Variants in LRMDA observed in about 807,000 individuals in gnomAD.
The protein encoded by LRMDA is leucine-rich melanocyte differentiation-associated protein.
LRMDA carries 18 observed loss-of-function variants against 29.8 expected under a neutral mutation model. The ratio of observed to expected loss-of-function variants is 0.60; its 90% CI spans 0.42 to 0.90. The LOEUF is 0.90. Among genes scored for constraint, LRMDA ranks in the 40% least tolerant of loss-of-function variants. The pLI, the probability that LRMDA is intolerant of heterozygous loss-of-function variation, is 0.00. For missense variants in LRMDA, 273 were observed against 273.9 expected, an observed-to-expected ratio of 1.00 and a Z score of 0.02; for synonymous variants, 125 against 109.4, an observed-to-expected ratio of 1.14 and a Z score of -0.89.
chr10:75,982,621 A>G (rs1320225786), intron 2 of LRMDA, among the ~76,000 whole-genome samples: 2 of 152,172 alleles, frequency 1.3e-5, no homozygotes, highest in Non-Finnish European at 2.9e-5. Flanking sequence ...TAATGATTTT[A>G]GCTTATTTGT....
At chr10:75,919,610 CAGTT>C (rs1461007359) in intron 2 of LRMDA, among the ~76,000 whole-genome samples, 2 of 152,106 alleles carry the variant, frequency 1.3e-5, no homozygotes, top group African/African-American at 2.4e-5. Flanking sequence ...CAAGGAATCT[CAGTT>C]AGGGAGGTCC....
At chr10:76,488,816 C>T (rs1472492987) in intron 6 of LRMDA, among the ~76,000 whole-genome samples, 1 of 151,826 alleles carries the variant, frequency 6.6e-6, no homozygotes, top group Non-Finnish European at 1.5e-5. Flanking sequence ...GTATGTTGAA[C>T]CATCCTTGAA....
chr10:76,309,411 G>T (rs1185845783), intron 5 of LRMDA, among the ~76,000 whole-genome samples: 1 of 152,092 alleles, frequency 6.6e-6, no homozygotes, highest in Non-Finnish European at 1.5e-5. Flanking sequence ...TACGAGGAGG[G>T]CTTCTCAGCT....
At chr10:75,815,164 T>G (rs1844036296) in intron 2 of LRMDA, among the ~76,000 whole-genome samples, 2 of 152,136 alleles carry the variant, frequency 1.3e-5, no homozygotes, top group Admixed American at 6.5e-5. Flanking sequence ...GACTCAGGCT[T>G]AGAAATGGAG....
intron 6 of LRMDA, among the ~76,000 whole-genome samples, chr10:76,350,174 A>AT (rs925211462): frequency 6.6e-5 from 10 of 151,902 alleles, no homozygotes; most frequent in Admixed American, 5.2e-4. Context: ...AAAAACAAAA[A>AT]AAAAAATAAA....
At chr10:75,750,830 G>A (rs1410857166) in intron 2 of LRMDA, among the ~76,000 whole-genome samples, 1 of 150,746 alleles carries the variant, frequency 6.6e-6, no homozygotes, top group Admixed American at 6.6e-5. Context: ...TCACTTCCCA[G>A]ACTGGGCGGC....
chr10:76,058,804 T>G, intron 5 of LRMDA, 21 bp downstream of exon 5: 1 of 1,560,854 alleles, frequency 6.4e-7, no homozygotes, highest in Non-Finnish European at 8.8e-7. Flanking sequence ...TACTTGCTGT[T>G]CTTCACAAGG....
At chr10:76,289,748 A>T (rs556381025) in intron 5 of LRMDA, among the ~76,000 whole-genome samples, 1 of 152,298 alleles carries the variant, frequency 6.6e-6, no homozygotes, top group African/African-American at 2.4e-5. Flanking sequence ...GGCAAAATGG[A>T]TCAGTAATTG....
At chr10:76,061,867 G>C (rs541112834) in intron 5 of LRMDA, among the ~76,000 whole-genome samples, 1 of 152,180 alleles carries the variant, frequency 6.6e-6, no homozygotes, top group South Asian at 2.1e-4. Flanking sequence ...CCTTTTGTCT[G>C]TTATTTTCAG....
intron 6 of LRMDA, among the ~76,000 whole-genome samples, chr10:76,364,413 T>C (rs1351398537): frequency 2.6e-5 from 4 of 152,162 alleles, no homozygotes; most frequent in African/African-American, 9.7e-5. Flanking sequence ...TTAGGGATTA[T>C]TATTGCTATC....
intron 2 of LRMDA, among the ~76,000 whole-genome samples, chr10:75,648,465 G>C (rs1380555799): frequency 1.3e-5 from 2 of 152,150 alleles, no homozygotes; most frequent in East Asian, 3.9e-4. Context: ...TGTGCAGGGG[G>C]CTCTTATAGG....
intron 2 of LRMDA, among the ~76,000 whole-genome samples, chr10:75,633,844 TA>T (rs1841357638): frequency 6.6e-6 from 1 of 152,212 alleles, no homozygotes; most frequent in Non-Finnish European, 1.5e-5. Context: ...TAGACTAGAA[TA>T]AGTTGTTGGA....
At chr10:75,585,624 T>G (rs1285374808) in intron 2 of LRMDA, among the ~76,000 whole-genome samples, 6 of 152,268 alleles carry the variant, frequency 3.9e-5, no homozygotes, top group African/African-American at 1.4e-4. Context: ...CTTCTACTTA[T>G]GTCATACACT....
intron 2 of LRMDA, among the ~76,000 whole-genome samples, chr10:75,731,157 A>C (rs1842692263): frequency 6.6e-6 from 1 of 152,236 alleles, no homozygotes; most frequent in Non-Finnish European, 1.5e-5. Flanking sequence ...TCAGAGCTAG[A>C]GATTTTGGAT....
In LRMDA at chr10:75,745,340, G is replaced by C. The variant is rs116475573; in HGVS notation, c.132-290668G>C. On this transcript the variant is annotated intron_variant, in intron 2 of 6. Coordinates refer to ENST00000611255, the MANE Select transcript of LRMDA (RefSeq NM_001305581.2). Reference sequence around the variant, plus strand: ...CACATCATATACATAAAAAATCAGGGTGAAATTCACATAACATGATTCGCA... The same window carrying C: ...CACATCATATACATAAAAAATCAGGCTGAAATTCACATAACATGATTCGCA... 6.2e-3 allele frequency among the ~76,000 whole-genome samples: 944 copies of C among 152,060 alleles called. 13 individuals carry two copies. The highest frequency in any genetic ancestry group is 0.022 in the African/African-American group (899 of 41,448).
chr10:76,363,176 A>AGAAAGGGAG (rs1459442138), intron 6 of LRMDA, among the ~76,000 whole-genome samples: 7 of 21,750 alleles, frequency 3.2e-4, no homozygotes, highest in Non-Finnish European at 2.3e-4. Context: ...AAAGAAAGAA[A>AGAAAGGGAG]GGAGGGAGGG....
At chr10:76,213,642 CTTTG>C (rs946272559) in intron 5 of LRMDA, among the ~76,000 whole-genome samples, 11 of 152,152 alleles carry the variant, frequency 7.2e-5, no homozygotes, top group South Asian at 2.1e-4. Context: ...AATAATTATT[CTTTG>C]TTTGACTGCA....
chr10:75,962,634 A>G (rs537767207), intron 2 of LRMDA, among the ~76,000 whole-genome samples: 1 of 152,312 alleles, frequency 6.6e-6, no homozygotes, highest in African/African-American at 2.4e-5. Flanking sequence ...CAATTTTTTA[A>G]ACGTAAATGA....
intron 5 of LRMDA, among the ~76,000 whole-genome samples, chr10:76,272,708 T>C (rs1840083020): frequency 6.6e-6 from 1 of 152,108 alleles, no homozygotes; most frequent in Admixed American, 6.6e-5. Flanking sequence ...TACCTGAGTC[T>C]GGGTAATTTA....
Sources: allele counts gnomAD v4.1 joint callset (sites outside exome capture counted in the v4.1 genomes callset), GRCh38; gene constraint gnomAD v4.1.1; transcripts MANE v1.5; gene names NCBI Gene and HGNC (gene_info 2026-07-23, HGNC 2026-07-21).